Variants in STARD13 observed in about 807,000 individuals in gnomAD.
STARD13 encodes stAR-related lipid transfer protein 13.
STARD13 carries 62 observed loss-of-function variants against 106.4 expected under a neutral mutation model. The ratio of observed to expected loss-of-function variants is 0.58; its 90% CI spans 0.48 to 0.72. The LOEUF (loss-of-function observed/expected upper bound fraction) is 0.72, where lower values mean the gene tolerates loss of function less well. Ranked by LOEUF, STARD13 falls within the 30% of genes least tolerant of loss-of-function variation. STARD13 has a pLI of 0.00. For synonymous variants in STARD13, 565 were observed against 553.0 expected, an observed-to-expected ratio of 1.02 and a Z score of -0.31; for missense variants, 1,387 against 1,424.0, an observed-to-expected ratio of 0.97 and a Z score of 0.42.
the STARD13 span, chr13:33,355,707 C>G: frequency 6.6e-6 from 1 of 152,084 alleles, no homozygotes; most frequent in Non-Finnish European, 1.5e-5. Context: ...TTACTTATTT[C>G]CTCATTTTAA....
At chr13:33,355,350 G>C (rs1419923005), upstream of STARD13, 1 of 152,136 alleles carries the variant, frequency 6.6e-6, no homozygotes, top group Admixed American at 6.5e-5. Context: ...TGGAAGAGTG[G>C]AGAAGCACAT....
the STARD13 span, among the ~76,000 whole-genome samples, chr13:33,416,510 AT>A: frequency 6.6e-5 from 10 of 152,200 alleles, no homozygotes; most frequent in African/African-American, 2.4e-4. Context: ...GTAGTTTCTG[AT>A]GGACAGGGAG....
chr13:33,342,502 C>G (rs371537877), intron 1 of STARD13, among the ~76,000 whole-genome samples: 1 of 150,288 alleles, frequency 6.7e-6, no homozygotes, highest in East Asian at 1.9e-4. Context: ...ATTAAAAAGG[C>G]ATTTGATCAG....
chr13:33,582,319 C>T, the STARD13 span, among the ~76,000 whole-genome samples: 1 of 152,018 alleles, frequency 6.6e-6, no homozygotes, highest in Non-Finnish European at 1.5e-5. Flanking sequence ...GGGAATGTTT[C>T]TGACCCCTGT....
the STARD13 span, among the ~76,000 whole-genome samples, chr13:33,665,403 A>G: frequency 2.2e-3 from 332 of 152,348 alleles, 5 homozygotes; most frequent in African/African-American, 7.8e-3. Context: ...ACATAAGAAA[A>G]AACAATACAC....
chr13:33,586,811 C>G, the STARD13 span, among the ~76,000 whole-genome samples: 1 of 152,190 alleles, frequency 6.6e-6, no homozygotes, highest in Non-Finnish European at 1.5e-5. Flanking sequence ...CTGCCCCATC[C>G]TAACTTGGGT....
rs779661795 is a variant in STARD13 at position 33,285,649 on chromosome 13, T to A, written c.-11A>T. On this transcript the variant is annotated 5_prime_UTR_variant, in exon 1 of 14. Transcript: ENST00000336934. Reference sequence around the variant, plus strand: ...CACCTGACTGAACATCTCGGCAGATTTCCTATTGCCACCTCAGTCTGCCTG... The same window carrying A: ...CACCTGACTGAACATCTCGGCAGATATCCTATTGCCACCTCAGTCTGCCTG... 5 of 1,611,716 alleles carry A rather than the reference T, an allele frequency of 3.1e-6. No homozygotes were observed. The South Asian group carries it at 5.5e-5, about 18-fold the overall frequency.
At chr13:33,647,663 A>T in the STARD13 span, among the ~76,000 whole-genome samples, 1 of 152,232 alleles carries the variant, frequency 6.6e-6, no homozygotes, top group East Asian at 1.9e-4. Context: ...TAGGTTGTTG[A>T]ATCCCTGTTC....
chr13:33,145,537 T>G (rs1299692646), intron 3 of STARD13, among the ~76,000 whole-genome samples: 1 of 152,104 alleles, frequency 6.6e-6, no homozygotes, highest in African/African-American at 2.4e-5. Flanking sequence ...TTTTATAATT[T>G]TTTTTTTGCT....
the STARD13 span, among the ~76,000 whole-genome samples, chr13:33,474,501 G>T: frequency 6.6e-6 from 1 of 152,080 alleles, no homozygotes; most frequent in African/African-American, 2.4e-5. Context: ...TTTTTACCTG[G>T]CAACAAATTG....
the STARD13 span, among the ~76,000 whole-genome samples, chr13:33,522,321 A>G: frequency 6.6e-6 from 1 of 152,114 alleles, no homozygotes; most frequent in African/African-American, 2.4e-5. Context: ...TCATCAACAT[A>G]GCCCACTGTA....
the STARD13 span, among the ~76,000 whole-genome samples, chr13:33,391,755 G>A: frequency 2.0e-5 from 3 of 152,198 alleles, no homozygotes; most frequent in East Asian, 5.8e-4. Context: ...CTCTGCATGG[G>A]GCTGTGATCT....
At chr13:33,544,086 GTTA>G in the STARD13 span, among the ~76,000 whole-genome samples, 3 of 152,144 alleles carry the variant, frequency 2.0e-5, no homozygotes, top group Admixed American at 6.5e-5. Flanking sequence ...AAATATTTCA[GTTA>G]TTATACAGTA....
chr13:33,177,587 T>C (rs984787778), intron 1 of STARD13, among the ~76,000 whole-genome samples: 4 of 152,124 alleles, frequency 2.6e-5, no homozygotes, highest in African/African-American at 4.8e-5. Context: ...TCAAGCCATG[T>C]GATAAACAAG....
chr13:33,356,205 T>A, the STARD13 span, among the ~76,000 whole-genome samples: 1 of 152,230 alleles, frequency 6.6e-6, no homozygotes, highest in Non-Finnish European at 1.5e-5. Context: ...ATTGAAATCA[T>A]CTTGACATCA....
chr13:33,249,692 T>C (rs1458347781), intron 1 of STARD13, among the ~76,000 whole-genome samples: 2 of 152,222 alleles, frequency 1.3e-5, no homozygotes, highest in East Asian at 1.9e-4. Flanking sequence ...AATCTGCATG[T>C]TTAATTCCAA....
intron 1 of STARD13, among the ~76,000 whole-genome samples, chr13:33,257,944 T>A (rs991880740): frequency 6.6e-6 from 1 of 152,226 alleles, no homozygotes; most frequent in Non-Finnish European, 1.5e-5. Flanking sequence ...ACATAACAAG[T>A]GACAGGTTAT....
In STARD13 at chr13:33,285,686, G is replaced by T; in HGVS notation, c.-48C>A. The T allele has an allele frequency of 6.2e-7, 1 of 1,602,298 alleles. No individual in the cohort carries two copies. Among genetic ancestry groups the T allele is most frequent in the South Asian group, 1.1e-5 (1 of 88,708 alleles). On this transcript the variant is annotated 5_prime_UTR_variant, in exon 1 of 14. Coordinates refer to ENST00000336934, the MANE Select transcript of STARD13 (RefSeq NM_178006.4). ...CCTCAGTCTGCCTGTGGCTGTTGCC[G>T]TCTGTCTCCAGTCTCAGTCAAAGAG...
At chr13:33,402,897 A>ACTCAATAAAACCCCGCATTCAT in the STARD13 span, among the ~76,000 whole-genome samples, 2 of 152,128 alleles carry the variant, frequency 1.3e-5, no homozygotes, top group Admixed American at 1.3e-4. Context: ...CACTTCCACC[A>ACTCAATAAAACCCCGCATTCAT]CTCAATAAAA....
Sources: allele counts gnomAD v4.1 joint callset (sites outside exome capture counted in the v4.1 genomes callset), GRCh38; gene constraint gnomAD v4.1.1; transcripts MANE v1.5; gene names NCBI Gene and HGNC (gene_info 2026-07-23, HGNC 2026-07-21).